Variants in ANO1 observed in about 807,000 individuals in gnomAD.
The protein encoded by ANO1 is anoctamin 1, also known as anoctamin-1.
A neutral mutation model predicts 124.0 loss-of-function variants in ANO1; 59 were observed. The observed-to-expected ratio is 0.48, with a 90% confidence interval of 0.39 to 0.59. The LOEUF (loss-of-function observed/expected upper bound fraction) is 0.59. ANO1 is among the 20% of genes least tolerant of loss of function. The probability of loss-of-function intolerance (pLI) is 0.00; values close to 1 mark genes in which losing one functional copy is unlikely to be tolerated. For synonymous variants in ANO1, 529 were observed against 532.0 expected (o/e 0.99, Z 0.08); for missense variants, 1,059 against 1,328.0 (o/e 0.80, Z 3.15).
chr11:70,046,826 C>A (rs1857266698), intron 1 of ANO1, among the ~76,000 whole-genome samples: 1 of 152,040 alleles, frequency 6.6e-6, no homozygotes, highest in Non-Finnish European at 1.5e-5. Context: ...ATAATCCCAG[C>A]ACTTTGGGAG....
the ANO1 span, among the ~76,000 whole-genome samples, chr11:69,978,739 T>C: frequency 6.6e-6 from 1 of 152,208 alleles, no homozygotes; most frequent in Non-Finnish European, 1.5e-5. Flanking sequence ...GACTCCTAGA[T>C]GGAAGCCTAA....
the ANO1 span, among the ~76,000 whole-genome samples, chr11:69,967,483 T>C: frequency 6.6e-6 from 1 of 152,350 alleles, no homozygotes; most frequent in Admixed American, 6.5e-5. Flanking sequence ...TCAGACTTCT[T>C]CTTCATGAGC....
chr11:70,083,295 C>T (rs938470843), intron 1 of ANO1, among the ~76,000 whole-genome samples: 11 of 152,092 alleles, frequency 7.2e-5, no homozygotes, highest in African/African-American at 2.7e-4. Flanking sequence ...TGAGGGAGGT[C>T]ATATAACATG....
At chr11:70,153,032 T>C in intron 13 of ANO1, 25 bp from the exon 14 acceptor site, 1 of 1,587,786 alleles carries the variant, frequency 6.3e-7, no homozygotes, top group African/African-American at 1.3e-5. Context: ...ACAAGGACTC[T>C]GTCTTGACTT....
At chr11:70,020,128 G>A (rs1856773958) in intron 1 of ANO1, among the ~76,000 whole-genome samples, 1 of 152,210 alleles carries the variant, frequency 6.6e-6, no homozygotes, top group Non-Finnish European at 1.5e-5. Context: ...GATGTTTAAA[G>A]CTGACTCATT....
chr11:70,102,232 G>A (rs1590735280), intron 2 of ANO1, among the ~76,000 whole-genome samples: 1 of 152,198 alleles, frequency 6.6e-6, no homozygotes, highest in African/African-American at 2.4e-5. Flanking sequence ...CAGCAAGACT[G>A]TAGGCTGTGG....
At chr11:70,113,929 G>T (rs559229503) in intron 7 of ANO1, among the ~76,000 whole-genome samples, 2 of 152,216 alleles carry the variant, frequency 1.3e-5, no homozygotes, top group South Asian at 4.1e-4. Flanking sequence ...CCAGTGCCTC[G>T]CTGTGTCCCC....
At chr11:70,187,105 C>T (rs1009671833) in intron 25 of ANO1, among the ~76,000 whole-genome samples, 6 of 152,196 alleles carry the variant, frequency 3.9e-5, no homozygotes, top group Admixed American at 3.3e-4. Flanking sequence ...CAGCTGCGAG[C>T]GTGAGCAGCC....
intron 11 of ANO1, among the ~76,000 whole-genome samples, chr11:70,139,688 T>C (rs909182975): frequency 6.6e-6 from 1 of 152,206 alleles, no homozygotes; most frequent in Non-Finnish European, 1.5e-5. Flanking sequence ...ATGTCTTTGC[T>C]CTCATAAGTA....
At chr11:70,045,810 G>A (rs1053208617) in intron 1 of ANO1, among the ~76,000 whole-genome samples, 2 of 152,222 alleles carry the variant, frequency 1.3e-5, no homozygotes. Flanking sequence ...TGTTGTGTGA[G>A]ATGGAATGGA....
intron 1 of ANO1, among the ~76,000 whole-genome samples, chr11:70,012,283 CA>C (rs1453948117): frequency 6.6e-6 from 1 of 151,476 alleles, no homozygotes; most frequent in Non-Finnish European, 1.5e-5. Flanking sequence ...TCCATCCTTT[CA>C]CCCATCCATC....
At chr11:70,175,986 C>A (rs533955956) in intron 22 of ANO1, among the ~76,000 whole-genome samples, 1 of 152,160 alleles carries the variant, frequency 6.6e-6, no homozygotes, top group Non-Finnish European at 1.5e-5. Flanking sequence ...CATGACACAG[C>A]CCTCAGGAGG....
intron 11 of ANO1, among the ~76,000 whole-genome samples, chr11:70,132,474 G>T (rs193002157): frequency 6.6e-6 from 1 of 152,120 alleles, no homozygotes; most frequent in African/African-American, 2.4e-5. Context: ...GCCAGGTCCC[G>T]GAGGCACCGT....
At chr11:70,054,728 C>T (rs990753469) in intron 1 of ANO1, among the ~76,000 whole-genome samples, 4 of 152,138 alleles carry the variant, frequency 2.6e-5, no homozygotes, top group African/African-American at 9.7e-5. Context: ...GTTGATTTCT[C>T]CATTATAAAT....
intron 1 of ANO1, among the ~76,000 whole-genome samples, chr11:69,991,983 A>G (rs951287025): frequency 6.6e-6 from 1 of 152,210 alleles, no homozygotes; most frequent in Non-Finnish European, 1.5e-5. Flanking sequence ...TAGAGCATGC[A>G]GCAGCTTGGG....
At chr11:70,180,785 T>C (rs1189839640) in intron 23 of ANO1, among the ~76,000 whole-genome samples, 1 of 152,174 alleles carries the variant, frequency 6.6e-6, no homozygotes. Context: ...AAGAAAAAAG[T>C]TGATTTTTCT....
chr11:70,139,719 A>G (rs890027923), intron 11 of ANO1, among the ~76,000 whole-genome samples: 18 of 152,252 alleles, frequency 1.2e-4, no homozygotes, highest in African/African-American at 4.3e-4. Flanking sequence ...AAACATATGC[A>G]TACATGTGTC....
At chr11:69,970,886 C>T in the ANO1 span, among the ~76,000 whole-genome samples, 1 of 152,082 alleles carries the variant, frequency 6.6e-6, no homozygotes, top group African/African-American at 2.4e-5. Context: ...TGCTTGGGCT[C>T]AAGTCATCAC....
intron 1 of ANO1, among the ~76,000 whole-genome samples, chr11:70,032,874 G>A (rs1373223470): frequency 6.6e-6 from 1 of 151,874 alleles, no homozygotes; most frequent in Non-Finnish European, 1.5e-5. Flanking sequence ...GATGGAGGGA[G>A]AAAGAGAAGG....
Sources: allele counts gnomAD v4.1 joint callset (sites outside exome capture counted in the v4.1 genomes callset), GRCh38; gene constraint gnomAD v4.1.1; transcripts MANE v1.5; gene names NCBI Gene and HGNC (gene_info 2026-07-23, HGNC 2026-07-21).